The following DCHS2 variants were observed in gnomAD, a reference collection of about 807,000 sequenced individuals.
The protein encoded by DCHS2 is protocadherin-23.
A neutral mutation model predicts 182.4 loss-of-function variants in DCHS2; 142 were observed. The ratio of observed to expected loss-of-function variants is 0.78; its 90% CI spans 0.68 to 0.89. The LOEUF (loss-of-function observed/expected upper bound fraction) is 0.89. Ranked by LOEUF, DCHS2 falls within the 40% of genes least tolerant of loss-of-function variation. The pLI is 0.00. For synonymous variants in DCHS2, 1,740 were observed against 1,663.3 expected, an observed-to-expected ratio of 1.05 and a Z score of -1.12; for missense variants, 4,319 against 4,198.6, an observed-to-expected ratio of 1.03 and a Z score of -0.79.
chr4:154,404,694 CTAT>C (rs1732325505), intron 1 of DCHS2, among the ~76,000 whole-genome samples: 1 of 152,130 alleles, frequency 6.6e-6, no homozygotes, highest in Admixed American at 6.5e-5. Flanking sequence ...TATTTTGAAG[CTAT>C]TATTAGGTCC....
In DCHS2 at chr4:154,329,659, T is replaced by C. The variant is rs1487734972; in HGVS notation, c.3782A>G (p.Glu1261Gly). ...ALDREHRGHH[E>G]MTVLVTDRGS... Reference sequence around the variant, plus strand: ...GCGGTCTGTCACTAGCACAGTCATCTCATGGTGCCCCCGGTGCTCACGATC... The same window carrying C: ...GCGGTCTGTCACTAGCACAGTCATCCCATGGTGCCCCCGGTGCTCACGATC... The change falls in exon 6 of 20, where the codon GAG becomes GGG. Residue 1261 changes from glutamate (E) to glycine (G), a missense_variant. Transcript: ENST00000357232. 3 of 1,612,218 alleles carry C rather than the reference T, an allele frequency of 1.9e-6. No homozygotes were observed. Among genetic ancestry groups the C allele is most frequent in the Admixed American group, 1.7e-5 (1 of 59,998 alleles).
At chr4:154,271,127 A>G (rs1218713619) in intron 13 of DCHS2, among the ~76,000 whole-genome samples, 2 of 152,188 alleles carry the variant, frequency 1.3e-5, no homozygotes, top group Non-Finnish European at 2.9e-5. Flanking sequence ...TTGTAATTAG[A>G]TCTAGAACCA....
At chr4:154,446,962 A>G (rs202042408) in intron 1 of DCHS2, among the ~76,000 whole-genome samples, 2 of 82,836 alleles carry the variant, frequency 2.4e-5, no homozygotes, top group African/African-American at 3.2e-5. Flanking sequence ...ATACACACGC[A>G]CACACACACA....
intron 1 of DCHS2, among the ~76,000 whole-genome samples, chr4:154,379,043 G>A (rs1172717693): frequency 6.6e-6 from 1 of 152,070 alleles, no homozygotes; most frequent in African/African-American, 2.4e-5. Context: ...TTCCAAATGG[G>A]TTCCAGAATG....
chr4:154,433,104 G>A (rs984038160), intron 1 of DCHS2, among the ~76,000 whole-genome samples: 10 of 152,198 alleles, frequency 6.6e-5, no homozygotes, highest in Middle Eastern at 3.4e-3. Context: ...TGGATTAGGC[G>A]GACCCTAAAC....
intron 7 of DCHS2, chr4:154,323,441 C>T (rs1736159228): frequency 2.1e-6 from 3 of 1,429,886 alleles, no homozygotes; most frequent in African/African-American, 2.9e-5. Flanking sequence ...GCTATCCTCA[C>T]ACCTTGGCCT....
chr4:154,240,044 T>C (rs1731724984), intron 18 of DCHS2, among the ~76,000 whole-genome samples: 1 of 152,178 alleles, frequency 6.6e-6, no homozygotes, highest in African/African-American at 2.4e-5. Context: ...CTGGAGTCCA[T>C]TTGCAAGTAT....
Position 154,491,183 on chromosome 4 carries a change from G to T in DCHS2, c.173C>A (p.Ala58Glu). Reference sequence around the variant, plus strand: ...CAACTGGGCAGAGGAGCCCGAGGCCGCCCACAGCCACACGTGCACCAAGAG... The same window carrying T: ...CAACTGGGCAGAGGAGCCCGAGGCCTCCCACAGCCACACGTGCACCAAGAG... ...LWLLVHVWLW[A>E]ASGSSAQLFN... Residue 58 changes from alanine (A) to glutamate (E), a missense_variant, in exon 1 of 20, where the codon GCG (alanine) becomes GAG (glutamate). Coordinates refer to ENST00000357232, the MANE Select transcript of DCHS2 (RefSeq NM_001358235.2). 1 of 1,551,288 alleles carries T rather than the reference G, an allele frequency of 6.4e-7. No individual in the cohort carries two copies. Among genetic ancestry groups the T allele is most frequent in the African/African-American group, 1.4e-5 (1 of 73,162 alleles).
At chr4:154,362,929 A>G (rs1730191435) in intron 3 of DCHS2, among the ~76,000 whole-genome samples, 1 of 152,202 alleles carries the variant, frequency 6.6e-6, no homozygotes, top group South Asian at 2.1e-4. Flanking sequence ...TTAACCCACT[A>G]TTTATGTTAT....
chr4:154,351,392 T>C (rs1729603410), intron 3 of DCHS2, among the ~76,000 whole-genome samples: 1 of 152,150 alleles, frequency 6.6e-6, no homozygotes, highest in Non-Finnish European at 1.5e-5. Context: ...TTGCAGAAAT[T>C]AATGCAACTG....
chr4:154,260,183 C>T (rs961225579), intron 14 of DCHS2, among the ~76,000 whole-genome samples: 2 of 152,148 alleles, frequency 1.3e-5, no homozygotes, highest in Admixed American at 6.6e-5. Flanking sequence ...TCACCTGTCC[C>T]GCAAAAGCCT....
chr4:154,281,207 A>T (rs1194568000), intron 13 of DCHS2, among the ~76,000 whole-genome samples: 1 of 152,146 alleles, frequency 6.6e-6, no homozygotes, highest in African/African-American at 2.4e-5. Context: ...AAGAAGAAGA[A>T]GAAAAAAAAT....
chr4:154,460,700 A>G (rs553328296), intron 1 of DCHS2, among the ~76,000 whole-genome samples: 1 of 152,186 alleles, frequency 6.6e-6, no homozygotes, highest in Non-Finnish European at 1.5e-5. Flanking sequence ...TGGGTTAGAT[A>G]TTCCATATAA....
intron 12 of DCHS2, among the ~76,000 whole-genome samples, chr4:154,299,827 T>C (rs975073139): frequency 4.6e-5 from 7 of 152,108 alleles, no homozygotes; most frequent in African/African-American, 7.2e-5. Flanking sequence ...GAGTTCACAG[T>C]CTAAAAGGAA....
chr4:154,410,013 G>A (rs1732556128), intron 1 of DCHS2, among the ~76,000 whole-genome samples: 2 of 152,104 alleles, frequency 1.3e-5, no homozygotes, highest in African/African-American at 2.4e-5. Context: ...CCCACCTGTA[G>A]TGAAAGTTTT....
chr4:154,446,643 G>A (rs1041616325), intron 1 of DCHS2, among the ~76,000 whole-genome samples: 1 of 152,100 alleles, frequency 6.6e-6, no homozygotes, highest in Admixed American at 6.5e-5. Context: ...GAACCTGAGT[G>A]CAGGCGATCT....
At chr4:154,372,408 T>C (rs919790060) in intron 2 of DCHS2, among the ~76,000 whole-genome samples, 2 of 152,232 alleles carry the variant, frequency 1.3e-5, no homozygotes, top group East Asian at 1.9e-4. Flanking sequence ...TAGCCAACTT[T>C]TCTCATGAAT....
intron 3 of DCHS2, among the ~76,000 whole-genome samples, chr4:154,344,053 GA>G (rs1729241667): frequency 1.1e-4 from 17 of 152,108 alleles, no homozygotes; most frequent in Admixed American, 1.1e-3. Context: ...GGGAGAGAGA[GA>G]GAGACGGGAA....
rs1488427907 is a variant in DCHS2 at position 154,320,744 on chromosome 4, G to C, written c.4655C>G (p.Ser1552Cys). The C allele has an allele frequency of 8.7e-6, 14 of 1,613,932 alleles. No individual in the cohort carries two copies. Among genetic ancestry groups the C allele is most frequent in the Non-Finnish European group, 1.1e-5 (13 of 1,180,010 alleles). ...LNSRIQYYIE[S>C]HNPGTNPFLI... ...AAATGGATTCGTGCCAGGGTTGTGG[G>C]ATTCAATGTAGTATTGTATTCTACT... Residue 1552 changes from serine to cysteine, a missense_variant, in exon 9 of 20, where the codon TCC becomes TGC. By Grantham distance (112) the Ser-to-Cys change is moderately radical. Coordinates refer to ENST00000357232, the MANE Select transcript of DCHS2 (RefSeq NM_001358235.2).
Sources: allele counts gnomAD v4.1 joint callset (sites outside exome capture counted in the v4.1 genomes callset), GRCh38; gene constraint gnomAD v4.1.1; transcripts MANE v1.5; gene names NCBI Gene and HGNC (gene_info 2026-07-23, HGNC 2026-07-21).